PTPRT: variants seen among roughly 807,000 people sequenced by gnomAD.
PTPRT encodes the protein protein tyrosine phosphatase receptor type T.
In PTPRT, 56 loss-of-function variants were observed where a neutral mutation model predicts 176.8. The ratio of observed to expected loss-of-function variants is 0.32; its 90% confidence interval spans 0.26 to 0.40. The LOEUF (loss-of-function observed/expected upper bound fraction) is 0.40, where lower values mean the gene tolerates loss of function less well. PTPRT is among the 10% of genes least tolerant of loss of function. The pLI is 1.00. For missense variants in PTPRT, 1,540 were observed against 1,908.2 expected (o/e 0.81, Z 3.60); for synonymous variants, 783 against 739.0 (o/e 1.06, Z -0.96).
intron 1 of PTPRT, among the ~76,000 whole-genome samples, chr20:43,070,968 T>TA (rs11474990): frequency 0.43 from 52,318 of 122,716 alleles, 11,011 homozygotes; most frequent in East Asian, 0.55. Context: ...AAAGTATAAT[T>TA]AAAAAAAAAA....
intron 16 of PTPRT, among the ~76,000 whole-genome samples, chr20:42,193,899 G>GATAT (rs1991096462): frequency 6.6e-6 from 1 of 151,900 alleles, no homozygotes; most frequent in Non-Finnish European, 1.5e-5. Flanking sequence ...TCTTTTATTG[G>GATAT]ATATATCCCC....
chr20:42,032,211 G>A, the PTPRT span, among the ~76,000 whole-genome samples: 1 of 152,216 alleles, frequency 6.6e-6, no homozygotes, highest in African/African-American at 2.4e-5. Flanking sequence ...GAAAGGGATG[G>A]GGAGTGATAG....
intron 1 of PTPRT, among the ~76,000 whole-genome samples, chr20:43,007,899 T>C (rs1471725859): frequency 6.6e-6 from 1 of 152,194 alleles, no homozygotes; most frequent in Non-Finnish European, 1.5e-5. Context: ...TCCTTAACTG[T>C]AAAATGGGTG....
intron 2 of PTPRT, among the ~76,000 whole-genome samples, chr20:42,820,298 C>T (rs1269259217): frequency 1.3e-5 from 2 of 152,156 alleles, no homozygotes; most frequent in Non-Finnish European, 2.9e-5. Flanking sequence ...GGAAATTGAA[C>T]AACCTGCTCC....
chr20:42,910,891 TATAATC>T (rs1452219648), intron 1 of PTPRT, among the ~76,000 whole-genome samples: 2 of 152,196 alleles, frequency 1.3e-5, no homozygotes, highest in African/African-American at 4.8e-5. Flanking sequence ...TCAAAAAACT[TATAATC>T]ATGGTGGAAG....
intron 17 of PTPRT, among the ~76,000 whole-genome samples, chr20:42,150,271 T>A (rs1568972262): frequency 1.3e-5 from 2 of 152,178 alleles, no homozygotes; most frequent in African/African-American, 4.8e-5. Context: ...CCCATTTACC[T>A]CCTATCCTCA....
At chr20:42,277,865 T>C (rs1295817363) in intron 13 of PTPRT, among the ~76,000 whole-genome samples, 1 of 148,998 alleles carries the variant, frequency 6.7e-6, no homozygotes, top group Non-Finnish European at 1.5e-5. Context: ...GGAAGAATAA[T>C]GACCTGTTAG....
intron 1 of PTPRT, among the ~76,000 whole-genome samples, chr20:42,942,710 A>C (rs1202748387): frequency 6.6e-6 from 1 of 152,196 alleles, no homozygotes; most frequent in Non-Finnish European, 1.5e-5. Flanking sequence ...CTGTGGCTAA[A>C]TGACCTTTAG....
At chr20:42,600,699 T>C (rs531405184) in intron 7 of PTPRT, among the ~76,000 whole-genome samples, 1 of 152,322 alleles carries the variant, frequency 6.6e-6, no homozygotes, top group South Asian at 2.1e-4. Context: ...CAGTTATAAG[T>C]GAGAGCATTT....
intron 21 of PTPRT, among the ~76,000 whole-genome samples, chr20:42,116,404 G>T (rs1197206365): frequency 2.6e-5 from 4 of 152,102 alleles, no homozygotes. Context: ...CAGAGCATGG[G>T]GGCAAATGGA....
intron 1 of PTPRT, among the ~76,000 whole-genome samples, chr20:43,157,164 CAA>C (rs2014545962): frequency 6.7e-6 from 1 of 148,802 alleles, no homozygotes; most frequent in Admixed American, 6.7e-5. Flanking sequence ...CCAGGCTGGG[CAA>C]CATGGCAAAA....
chr20:42,550,836 T>C (rs900211742), intron 7 of PTPRT, among the ~76,000 whole-genome samples: 25 of 152,102 alleles, frequency 1.6e-4, no homozygotes, highest in Admixed American at 1.6e-3. Flanking sequence ...ATACACTTGG[T>C]TTTGAAAGCA....
intron 15 of PTPRT, among the ~76,000 whole-genome samples, chr20:42,228,641 A>T (rs892677530): frequency 3.9e-5 from 6 of 152,260 alleles, no homozygotes; most frequent in African/African-American, 9.6e-5. Flanking sequence ...GAACATGGAT[A>T]TTAACTAACT....
chr20:42,957,690 A>C (rs1170040032), intron 1 of PTPRT, among the ~76,000 whole-genome samples: 1 of 152,212 alleles, frequency 6.6e-6, no homozygotes, highest in East Asian at 1.9e-4. Context: ...TTTCATTAAT[A>C]AACCTTCTAG....
intron 17 of PTPRT, among the ~76,000 whole-genome samples, chr20:42,143,275 G>T (rs750080871): frequency 1.3e-5 from 2 of 152,068 alleles, no homozygotes; most frequent in East Asian, 1.9e-4. Context: ...TGTGGCAGTG[G>T]CCAGGCGCGA....
the PTPRT span, among the ~76,000 whole-genome samples, chr20:42,033,940 C>G: frequency 6.6e-6 from 1 of 152,158 alleles, no homozygotes; most frequent in African/African-American, 2.4e-5. Flanking sequence ...TAATTATGGT[C>G]CCAGAGCCCT....
intron 2 of PTPRT, among the ~76,000 whole-genome samples, chr20:42,884,337 G>A (rs966216347): frequency 2.6e-5 from 4 of 152,100 alleles, no homozygotes; most frequent in Middle Eastern, 3.2e-3. Context: ...TACAATTAAT[G>A]CCCTTAATAG....
intron 9 of PTPRT, among the ~76,000 whole-genome samples, chr20:42,416,905 GA>G (rs2059070821): frequency 6.6e-6 from 1 of 152,164 alleles, no homozygotes; most frequent in African/African-American, 2.4e-5. Context: ...TGTGGACAAG[GA>G]CTTAAAACAG....
At chr20:43,064,045 A>T (rs1600685395) in intron 1 of PTPRT, among the ~76,000 whole-genome samples, 1 of 152,086 alleles carries the variant, frequency 6.6e-6, no homozygotes, top group African/African-American at 2.4e-5. Flanking sequence ...AAAAAAAAAA[A>T]GTTCCCTTCT....
Sources: gnomAD v4.1 joint callset for allele counts (sites outside exome capture counted in the v4.1 genomes callset) on GRCh38, gnomAD v4.1.1 for gene constraint, MANE v1.5 for transcripts, NCBI Gene and HGNC (gene_info 2026-07-23, HGNC 2026-07-21) for gene names.